The following CNBD1 variants were observed in gnomAD, a reference collection of about 807,000 sequenced individuals.
CNBD1 encodes cyclic nucleotide binding domain containing 1.
Under a neutral mutation model 54.4 loss-of-function variants are expected in CNBD1, and 71 were observed. The ratio of observed to expected loss-of-function variants is 1.30; its 90% CI spans 1.08 to 1.59. The LOEUF (loss-of-function observed/expected upper bound fraction) is 1.59, where lower values mean the gene tolerates loss of function less well. Among genes scored for constraint, CNBD1 ranks in the 40% most tolerant of loss-of-function variants. The pLI, the probability that CNBD1 is intolerant of heterozygous loss-of-function variation, is 0.00. For synonymous variants in CNBD1, 182 were observed against 170.7 expected (o/e 1.07, Z -0.51); for missense variants, 659 against 518.0 (o/e 1.27, Z -2.64).
chr8:87,301,570 A>G (rs901219260), intron 8 of CNBD1, among the ~76,000 whole-genome samples: 1 of 152,190 alleles, frequency 6.6e-6, no homozygotes, highest in African/African-American at 2.4e-5. Context: ...GTAATACACC[A>G]TATAAACAGA....
chr8:87,019,712 T>C (rs1027881239), intron 4 of CNBD1, among the ~76,000 whole-genome samples: 3 of 152,000 alleles, frequency 2.0e-5, no homozygotes, highest in Non-Finnish European at 2.9e-5. Context: ...ACCCTGTCTC[T>C]ACTAAAAATA....
At chr8:87,317,134 A>T (rs1407371798) in intron 8 of CNBD1, among the ~76,000 whole-genome samples, 1 of 151,732 alleles carries the variant, frequency 6.6e-6, no homozygotes, top group Non-Finnish European at 1.5e-5. Context: ...AGTTCTATTT[A>T]TCTTCTCAAA....
intron 2 of CNBD1, among the ~76,000 whole-genome samples, chr8:87,423,039 G>T (rs890670644): frequency 6.6e-6 from 1 of 151,834 alleles, no homozygotes; most frequent in African/African-American, 2.4e-5. Flanking sequence ...TGAAGCAATT[G>T]TGAAAGGGAG....
intron 10 of CNBD1, among the ~76,000 whole-genome samples, chr8:87,375,988 TTTAA>T (rs1405485096): frequency 1.3e-5 from 2 of 151,928 alleles, no homozygotes; most frequent in Non-Finnish European, 2.9e-5. Flanking sequence ...TGGGCTAATA[TTTAA>T]TTATGTTGGT....
intron 4 of CNBD1, among the ~76,000 whole-genome samples, chr8:87,058,504 C>T (rs981147721): frequency 5.3e-5 from 8 of 152,198 alleles, no homozygotes; most frequent in African/African-American, 1.9e-4. Flanking sequence ...CATAATTCTG[C>T]CTGGACATCC....
intron 2 of CNBD1, among the ~76,000 whole-genome samples, chr8:87,406,441 T>C (rs1335925239): frequency 1.5e-5 from 2 of 129,164 alleles, no homozygotes; most frequent in Admixed American, 7.9e-5. Flanking sequence ...CATATATATG[T>C]GTGTATACAC....
intron 6 of CNBD1, among the ~76,000 whole-genome samples, chr8:87,240,661 T>C (rs1807677375): frequency 1.3e-5 from 2 of 152,202 alleles, no homozygotes; most frequent in Admixed American, 1.3e-4. Flanking sequence ...CATACTCTTT[T>C]ACTCACTAGC....
At chr8:87,312,776 A>G (rs13258002) in intron 8 of CNBD1, among the ~76,000 whole-genome samples, 86,373 of 151,624 alleles carry the variant, frequency 0.57, 26,269 homozygotes, top group African/African-American at 0.78. Context: ...TTCCATAAAA[A>G]TTTTTTTCTA....
At chr8:87,003,547 TAAC>T (rs1454295127) in intron 4 of CNBD1, among the ~76,000 whole-genome samples, 1 of 152,202 alleles carries the variant, frequency 6.6e-6, no homozygotes, top group Non-Finnish European at 1.5e-5. Flanking sequence ...AAGTAGGAGA[TAAC>T]AAAACTTTAT....
chr8:87,386,323 G>A (rs1043639992), downstream of CNBD1, among the ~76,000 whole-genome samples: 5 of 152,056 alleles, frequency 3.3e-5, no homozygotes, highest in African/African-American at 1.2e-4. Flanking sequence ...CCGAGCTAAA[G>A]CAGGAAGTTC....
At chr8:87,186,874 T>C (rs1813486405) in intron 4 of CNBD1, among the ~76,000 whole-genome samples, 1 of 152,046 alleles carries the variant, frequency 6.6e-6, no homozygotes, top group African/African-American at 2.4e-5. Context: ...AAGGGAGATA[T>C]ACTAACCACC....
intron 2 of CNBD1, among the ~76,000 whole-genome samples, chr8:87,426,174 A>G (rs1808045573): frequency 6.6e-6 from 1 of 152,148 alleles, no homozygotes; most frequent in Non-Finnish European, 1.5e-5. Flanking sequence ...GCCCTGCTTC[A>G]GCTGGCGCAC....
At chr8:86,941,365 G>A (rs191594783) in intron 4 of CNBD1, among the ~76,000 whole-genome samples, 12 of 152,218 alleles carry the variant, frequency 7.9e-5, no homozygotes, top group Non-Finnish European at 1.8e-4. Context: ...AGTGATCTAA[G>A]GCATACTATG....
intron 6 of CNBD1, among the ~76,000 whole-genome samples, chr8:87,264,931 T>G (rs1267727799): frequency 2.0e-5 from 3 of 152,216 alleles, no homozygotes; most frequent in Non-Finnish European, 4.4e-5. Flanking sequence ...TTGCAAAAAT[T>G]TTCTCCCATT....
intron 4 of CNBD1, among the ~76,000 whole-genome samples, chr8:87,170,106 A>G (rs1300449143): frequency 6.6e-6 from 1 of 151,954 alleles, no homozygotes; most frequent in Non-Finnish European, 1.5e-5. Flanking sequence ...TACAGTTTTC[A>G]TTGTAGAGAA....
intron 6 of CNBD1, among the ~76,000 whole-genome samples, chr8:87,248,187 C>T (rs556308030): frequency 6.6e-6 from 1 of 152,314 alleles, no homozygotes; most frequent in South Asian, 2.1e-4. Flanking sequence ...GTAGACTCAT[C>T]AATCTGGGTT....
intron 8 of CNBD1, among the ~76,000 whole-genome samples, chr8:87,331,951 C>T (rs1809841667): frequency 6.6e-6 from 1 of 151,976 alleles, no homozygotes; most frequent in South Asian, 2.1e-4. Context: ...CCTGTAAATT[C>T]TGTATATTAG....
At position 87,202,141 on chromosome 8, in the gene CNBD1, T is replaced by G. The variant is rs186440245; in HGVS notation, c.432-3852T>G. Among the ~76,000 whole-genome samples the G allele has an allele frequency of 1.5e-3, 226 of 152,200 alleles. 5 individuals carry two copies. In the Middle Eastern group the frequency reaches 0.027, roughly 18 times the overall value. On this transcript the variant is annotated intron_variant, in intron 4 of 10. Coordinates refer to ENST00000518476, the MANE Select transcript of CNBD1 (RefSeq NM_173538.3). ...ATTGAAGGAAAATTTTCAGAAGGAATGAAGATAGACTTTATGTACTGGTAA... is the reference window on the plus strand; with the variant it reads ...ATTGAAGGAAAATTTTCAGAAGGAAGGAAGATAGACTTTATGTACTGGTAA...
At chr8:87,384,680 T>A (rs149846548), downstream of CNBD1, among the ~76,000 whole-genome samples, 1 of 152,300 alleles carries the variant, frequency 6.6e-6, no homozygotes, top group East Asian at 1.9e-4. Flanking sequence ...TTTTTTCCAC[T>A]TACTAAGGAC....
Sources: gnomAD v4.1 joint callset for allele counts (sites outside exome capture counted in the v4.1 genomes callset) on GRCh38, gnomAD v4.1.1 for gene constraint, MANE v1.5 for transcripts, NCBI Gene and HGNC (gene_info 2026-07-23, HGNC 2026-07-21) for gene names.